The following CDH13 variants were observed in gnomAD, a reference collection of about 807,000 sequenced individuals.
CDH13 encodes the protein cadherin-13.
In CDH13, 24 loss-of-function variants were observed where a neutral mutation model predicts 63.8. The observed-to-expected ratio is 0.38, with a 90% confidence interval of 0.27 to 0.53. CDH13 has a LOEUF of 0.53. Ranked by LOEUF, CDH13 falls within the 20% of genes least tolerant of loss-of-function variation. CDH13 has a pLI of 0.85. For missense variants in CDH13, 1,049 were observed against 903.1 expected (o/e 1.16, Z -2.07); for synonymous variants, 503 against 355.3 (o/e 1.42, Z -4.67).
At chr16:83,527,415 C>G (rs951527884) in intron 7 of CDH13, among the ~76,000 whole-genome samples, 1 of 151,738 alleles carries the variant, frequency 6.6e-6, no homozygotes, top group Non-Finnish European at 1.5e-5. Flanking sequence ...GGCCACTGCA[C>G]TCCAGCCTGG....
intron 1 of CDH13, among the ~76,000 whole-genome samples, chr16:82,664,276 G>GT (rs1230404276): frequency 6.6e-6 from 1 of 152,244 alleles, no homozygotes; most frequent in East Asian, 1.9e-4. Context: ...GATGGATGGA[G>GT]TAGGAGGGTT....
At chr16:83,112,639 T>C (rs1413835928) in intron 3 of CDH13, among the ~76,000 whole-genome samples, 1 of 152,200 alleles carries the variant, frequency 6.6e-6, no homozygotes, top group Non-Finnish European at 1.5e-5. Flanking sequence ...CCTGAGTGTA[T>C]TATGTGTGTG....
intron 12 of CDH13, 109 bp from the exon 13 acceptor site, chr16:83,783,145 A>G (rs1311620827): frequency 6.9e-6 from 5 of 729,028 alleles, no homozygotes; most frequent in Non-Finnish European, 7.2e-6. Flanking sequence ...TCGCACAATT[A>G]TAAATGAAAA....
chr16:82,651,019 T>TG (rs1475049040), intron 1 of CDH13, among the ~76,000 whole-genome samples: 4 of 152,176 alleles, frequency 2.6e-5, no homozygotes, highest in Non-Finnish European at 5.9e-5. Context: ...ATGTGGTTTT[T>TG]GGGGGAGAAA....
intron 1 of CDH13, among the ~76,000 whole-genome samples, chr16:82,843,962 C>T (rs141123709): frequency 5.7e-4 from 87 of 152,256 alleles, no homozygotes; most frequent in African/African-American, 2.0e-3. Flanking sequence ...GGAATGACTC[C>T]CTCGTGGATA....
chr16:82,945,502 C>T (rs1162497230), intron 2 of CDH13, among the ~76,000 whole-genome samples: 3 of 152,112 alleles, frequency 2.0e-5, no homozygotes, highest in Admixed American at 1.3e-4. Flanking sequence ...GTAGTTTCTA[C>T]GAGGATGGAA....
At chr16:83,065,459 C>G (rs746672343) in intron 3 of CDH13, among the ~76,000 whole-genome samples, 2 of 152,172 alleles carry the variant, frequency 1.3e-5, no homozygotes, top group African/African-American at 4.8e-5. Flanking sequence ...AATCCCAACA[C>G]TTTGGAAGGC....
chr16:82,861,473 G>T (rs1030275545), intron 2 of CDH13, among the ~76,000 whole-genome samples: 6 of 152,152 alleles, frequency 3.9e-5, no homozygotes, highest in African/African-American at 1.4e-4. Flanking sequence ...TCATCCAATT[G>T]TGTGTTCAGC....
intron 5 of CDH13, among the ~76,000 whole-genome samples, chr16:83,288,529 C>A (rs1567566463): frequency 6.6e-6 from 1 of 152,190 alleles, no homozygotes; most frequent in Non-Finnish European, 1.5e-5. Context: ...CTCCCTGTGC[C>A]TTCTGGAAGC....
intron 8 of CDH13, among the ~76,000 whole-genome samples, chr16:83,604,606 CT>C (rs34451324): frequency 2.0e-5 from 3 of 151,794 alleles, no homozygotes; most frequent in Non-Finnish European, 4.4e-5. Flanking sequence ...GGCCTGGGGG[CT>C]TTTTTTTCTA....
chr16:83,742,226 C>T (rs1238873852), intron 10 of CDH13, among the ~76,000 whole-genome samples: 1 of 152,162 alleles, frequency 6.6e-6, no homozygotes, highest in Non-Finnish European at 1.5e-5. Flanking sequence ...TCTGAGGGGG[C>T]CCTGCTGAGA....
chr16:83,659,318 G>A (rs1457988429), intron 8 of CDH13, among the ~76,000 whole-genome samples: 2 of 149,368 alleles, frequency 1.3e-5, no homozygotes. Context: ...TCACCAGCAA[G>A]GTCTCATGTC....
intron 11 of CDH13, among the ~76,000 whole-genome samples, chr16:83,769,623 G>A (rs1476827247): frequency 6.6e-6 from 1 of 152,220 alleles, no homozygotes; most frequent in East Asian, 1.9e-4. Flanking sequence ...TTGGCATACA[G>A]TTGAGTTGGT....
chr16:83,730,442 C>T (rs572892633), intron 10 of CDH13, among the ~76,000 whole-genome samples: 1 of 152,296 alleles, frequency 6.6e-6, no homozygotes, highest in African/African-American at 2.4e-5. Context: ...AAGAGATTTT[C>T]ATTTGTTTCC....
intron 1 of CDH13, among the ~76,000 whole-genome samples, chr16:82,687,848 G>T (rs138667318): frequency 6.6e-6 from 1 of 152,072 alleles, no homozygotes; most frequent in Non-Finnish European, 1.5e-5. Context: ...GGCTGTCCTC[G>T]GGGGTAGGAG....
chr16:82,723,743 C>T (rs1286494816), intron 1 of CDH13, among the ~76,000 whole-genome samples: 2 of 152,084 alleles, frequency 1.3e-5, no homozygotes, highest in Non-Finnish European at 2.9e-5. Flanking sequence ...GAGTTATTTT[C>T]TTTTTGTTTT....
chr16:82,631,521 G>C (rs1373562012), intron 1 of CDH13, among the ~76,000 whole-genome samples: 1 of 152,210 alleles, frequency 6.6e-6, no homozygotes, highest in African/African-American at 2.4e-5. Context: ...TTTCTATTTA[G>C]CTGTCAGCCA....
intron 6 of CDH13, among the ~76,000 whole-genome samples, chr16:83,397,745 G>C (rs1225582991): frequency 1.3e-5 from 2 of 152,208 alleles, no homozygotes; most frequent in Non-Finnish European, 2.9e-5. Context: ...TCCTTGTCCT[G>C]TTTCTCCCAG....
chr16:83,341,108 C>T (rs1405908801), intron 5 of CDH13, among the ~76,000 whole-genome samples: 5 of 152,226 alleles, frequency 3.3e-5, no homozygotes, highest in Admixed American at 2.6e-4. Context: ...GAACAAGCAT[C>T]AGAATGCCTC....
Sources: allele counts gnomAD v4.1 joint callset (sites outside exome capture counted in the v4.1 genomes callset), GRCh38; gene constraint gnomAD v4.1.1; transcripts MANE v1.5; gene names NCBI Gene and HGNC (gene_info 2026-07-23, HGNC 2026-07-21).